The following PLEKHG3 variants were observed in gnomAD, a reference collection of about 807,000 sequenced individuals.
PLEKHG3 encodes the protein pleckstrin homology and RhoGEF domain containing G3, also known as pleckstrin homology domain-containing family G member 3.
Under a neutral mutation model 94.9 loss-of-function variants are expected in PLEKHG3, and 62 were observed. That is an observed-to-expected ratio of 0.65 (90% confidence interval 0.53 to 0.81). The LOEUF (loss-of-function observed/expected upper bound fraction) is 0.81, where lower values mean the gene tolerates loss of function less well. PLEKHG3 is among the 30% of genes least tolerant of loss of function. PLEKHG3 has a pLI of 0.00. For missense variants in PLEKHG3, 1,461 were observed against 1,619.3 expected, an observed-to-expected ratio of 0.90 and a Z score of 1.68; for synonymous variants, 614 against 654.0, an observed-to-expected ratio of 0.94 and a Z score of 0.93.
rs229623 is a variant in PLEKHG3, at chr14:64,732,142, G to C, written c.1173G>C (p.Arg391Ser). ...GGAACTGGACTCACCACATCAAGAGGCTCATCCTAGAGAACCACCATGCCA... is the reference window on the plus strand; with the variant it reads ...GGAACTGGACTCACCACATCAAGAGCCTCATCCTAGAGAACCACCATGCCA... The part of the protein sequence containing the change: ...EKRNWTHHIK[R>S]LILENHHATI... The change falls in exon 10 of 17, where the codon AGG (arginine) becomes AGC (serine). Residue 391 changes from arginine (R) to serine (S), a missense_variant. Around this residue, in one of 3 missense-constraint regions of PLEKHG3, gnomAD observed 1,201 missense variants for 1,295.5 expected, o/e 0.93. Transcript: ENST00000247226. This position sits in a 1 kb window ranked among gnomAD's most constrained non-coding sequence, Gnocchi z 4.9. 13 of 1,613,914 alleles carry C rather than the reference G, an allele frequency of 8.1e-6. No homozygotes were observed. In the African/African-American group the frequency reaches 1.2e-4, roughly 15 times the overall value.
rs1030019624 is a variant in PLEKHG3 at position 64,748,110 on chromosome 14, C to T, written c.*4407C>T. 7 of 152,244 alleles carry T rather than the reference C, an allele frequency of 4.6e-5. No individual in the cohort carries two copies. Among genetic ancestry groups the T allele is most frequent in the Non-Finnish European group, 1.0e-4 (7 of 68,074 alleles). 9.4% of individuals were successfully genotyped at this position (152,244 alleles called of 1,614,324 possible). ...ATCAAGGGGTACCACACCTTCATGGCTCTGGCCCTGACATTTGTCCCAGTT... is the reference window on the plus strand; with the variant it reads ...ATCAAGGGGTACCACACCTTCATGGTTCTGGCCCTGACATTTGTCCCAGTT... On this transcript the variant is annotated 3_prime_UTR_variant, in exon 17 of 17. Coordinates refer to ENST00000247226, the MANE Select transcript of PLEKHG3 (RefSeq NM_001308147.2).
Position 64,717,311 on chromosome 14 carries a change from C to G in PLEKHG3, c.-39-10282C>G, listed in dbSNP as rs2081186065. Among the ~76,000 whole-genome samples the G allele has an allele frequency of 6.6e-6, 1 of 152,128 alleles. No individual in the cohort carries two copies. On this transcript the variant is annotated intron_variant, in intron 1 of 16. Coordinates refer to ENST00000247226, the MANE Select transcript of PLEKHG3 (RefSeq NM_001308147.2). This position sits in a 1 kb window ranked among gnomAD's most constrained non-coding sequence, Gnocchi z 4.7. ...GCGAGGCCTGAGGGAGGGGGAAGGCCAGGGTTGTCTACATAACTTTCTGGG... is the reference window on the plus strand; with the variant it reads ...GCGAGGCCTGAGGGAGGGGGAAGGCGAGGGTTGTCTACATAACTTTCTGGG...
chr14:64,724,525 A>T (rs1045688666), intron 1 of PLEKHG3, among the ~76,000 whole-genome samples: 2 of 151,990 alleles, frequency 1.3e-5, no homozygotes, highest in African/African-American at 4.8e-5. Context: ...CTTACCCATG[A>T]CCTGTGATCC....
In PLEKHG3 at chr14:64,731,714, T is replaced by C; in HGVS notation, c.1033T>C (p.Cys345Arg). ...GACTGTCCTTTCCCTCTGCCCCTAG[T>C]GCTCCTCCCTGATGCTGATCGAAAG... ...DHFVYKGNIP[C>R]SSLMLIESTR... The change falls in exon 9 of 17, where the codon TGC (cysteine) becomes CGC (arginine). Residue 345 changes from cysteine (C) to arginine (R), a missense_variant and splice_region_variant. By Grantham distance (180) the Cys-to-Arg change is radical. Transcript: ENST00000247226. This position sits in a 1 kb window ranked among gnomAD's most constrained non-coding sequence, Gnocchi z 6.1. 1 of 1,611,216 alleles carries C rather than the reference T, an allele frequency of 6.2e-7. No homozygotes were observed. The highest frequency in any genetic ancestry group is 8.5e-7 in the Non-Finnish European group (1 of 1,177,412).
In PLEKHG3 at chr14:64,749,150, G is replaced by A. The variant is rs990018882; in HGVS notation, c.*5447G>A. The A allele has an allele frequency of 1.6e-5, 14 of 851,986 alleles. No homozygotes were observed. The East Asian group carries it at 1.8e-4, about 11-fold the overall frequency. 52.8% of individuals were successfully genotyped at this position (851,986 alleles called of 1,614,324 possible). ...GGGCGTCGGCCCAGGACACGCGGGC[G>A]AAGGCAGCTTTTGCAGTGCAGCGTG... On this transcript the variant is annotated 3_prime_UTR_variant, in exon 17 of 17. Coordinates refer to ENST00000247226, the MANE Select transcript of PLEKHG3 (RefSeq NM_001308147.2). This position sits in a 1 kb window ranked among gnomAD's most constrained non-coding sequence, Gnocchi z 4.7.
In PLEKHG3 at chr14:64,723,446, C is replaced by CT. The variant is rs2139374299; in HGVS notation, c.-39-4144dup. Among the ~76,000 whole-genome samples the CT allele has an allele frequency of 6.6e-6, 1 of 152,224 alleles. No homozygotes were observed. The highest frequency in any genetic ancestry group is 2.1e-4 in the South Asian group (1 of 4,810). Reference sequence around the variant, plus strand: ...CCCTGCCTCAAAAAAAGAGAAAAGTCTTTGGGGACCTGCTCAAAGAAGGTT... The same window carrying CT: ...CCCTGCCTCAAAAAAAGAGAAAAGTCTTTTGGGGACCTGCTCAAAGAAGGTT... On this transcript the variant is annotated intron_variant, in intron 1 of 16. Transcript: ENST00000247226. This position sits in a 1 kb window ranked among gnomAD's most constrained non-coding sequence, Gnocchi z 4.5.
At position 64,732,173 on chromosome 14, in the gene PLEKHG3, C is replaced by T. The variant is rs551215137; in HGVS notation, c.1204C>T (p.Pro402Ser). ...CCTAGAGAACCACCATGCCACCATT[C>T]CCCAGAAGGTGAGTTCCCCCAGCTC... ...LILENHHATI[P>S]QKAKEAILEM... Residue 402 changes from proline (P) to serine (S), a missense_variant, in exon 10 of 17, where the codon CCC becomes TCC. Physicochemically the swap from Pro to Ser is moderately conservative, Grantham distance 74. Transcript: ENST00000247226. The surrounding 1 kb of genome is among the most constrained non-coding windows in gnomAD (Gnocchi z 4.9). 2 of 1,612,472 alleles carry T rather than the reference C, an allele frequency of 1.2e-6. No homozygotes were observed. Among genetic ancestry groups the T allele is most frequent in the Admixed American group, 1.7e-5 (1 of 60,022 alleles).
intron 1 of PLEKHG3, among the ~76,000 whole-genome samples, chr14:64,719,216 A>G (rs2081221736): frequency 6.6e-6 from 1 of 152,182 alleles, no homozygotes; most frequent in Non-Finnish European, 1.5e-5. Context: ...ATGCTGGTTC[A>G]CCAAGTTTAA....
Position 64,749,361 on chromosome 14 carries a change from C to A in PLEKHG3, c.*5658C>A. 1 of 1,610,740 alleles carries A rather than the reference C, an allele frequency of 6.2e-7. No homozygotes were observed. On this transcript the variant is annotated 3_prime_UTR_variant, in exon 17 of 17. Transcript: ENST00000247226. This position sits in a 1 kb window ranked among gnomAD's most constrained non-coding sequence, Gnocchi z 4.7. The stretch of plus-strand genomic sequence containing the variant: ...CTTCTCCTTGTCTTTCTTGCCGAGG[C>A]TGGCGTCGGGGCCGGAGAGGGAAGG...
intron 1 of PLEKHG3, among the ~76,000 whole-genome samples, chr14:64,712,207 C>T (rs1314718396): frequency 6.6e-6 from 1 of 152,138 alleles, no homozygotes; most frequent in African/African-American, 2.4e-5. Context: ...TACACCGGTA[C>T]CATATAGTCT....
rs1479378405 is a variant in PLEKHG3, at chr14:64,741,566, C to T, written c.2049C>T (p.Val683=). 6.2e-7 allele frequency: 1 copy of T among 1,613,004 alleles called. No homozygotes were observed. Reference sequence around the variant, plus strand: ...TGGCCACAGAGGACAGCCCTTCTGTCAATGGGATGGAGCCCCCAAGCCCAG... The same window carrying T: ...TGGCCACAGAGGACAGCCCTTCTGTTAATGGGATGGAGCCCCCAAGCCCAG... The part of the protein sequence containing the change: ...VGVATEDSPS[V]NGMEPPSPGC... Residue 683 remains valine (V), a synonymous_variant, in exon 16 of 17, where the codon GTC becomes GTT. Transcript: ENST00000247226.
In PLEKHG3 at chr14:64,720,290, A is replaced by AAGT. The variant is rs2081240664; in HGVS notation, c.-39-7300_-39-7298dup. Among the ~76,000 whole-genome samples the AAGT allele has an allele frequency of 6.6e-6, 1 of 152,216 alleles. No individual in the cohort carries two copies. Among genetic ancestry groups the AAGT allele is most frequent in the Non-Finnish European group, 1.5e-5 (1 of 68,044 alleles). ...GTGCTCTAGCTCCCTGTCTGGGGCC[A>AAGT]AGTAGGATGGGACTACCGGGGTGAA... On this transcript the variant is annotated intron_variant, in intron 1 of 16. Coordinates refer to ENST00000247226, the MANE Select transcript of PLEKHG3 (RefSeq NM_001308147.2). This position sits in a 1 kb window ranked among gnomAD's most constrained non-coding sequence, Gnocchi z 4.1.
At position 64,730,361 on chromosome 14, in the gene PLEKHG3, G is replaced by A. The variant is rs965707431; in HGVS notation, c.519+49G>A. On this transcript the variant is annotated intron_variant, in intron 4 of 16. Coordinates refer to ENST00000247226, the MANE Select transcript of PLEKHG3 (RefSeq NM_001308147.2). This position sits in a 1 kb window ranked among gnomAD's most constrained non-coding sequence, Gnocchi z 5.4. ...TCTGTCCTACCTTGCTGAGAGCTCA[G>A]AGAGACAAGAACTGCCAGCATAAGA... The A allele has an allele frequency of 1.6e-6, 2 of 1,226,456 alleles. No homozygotes were observed. The highest frequency in any genetic ancestry group is 2.3e-6 in the Non-Finnish European group (2 of 864,108). The allele number at this position is 1,226,456 out of a possible 1,614,324, so 76.0% of individuals were successfully genotyped here. A position where few individuals can be genotyped will look rare whatever the true frequency, so the allele number is the denominator to read the frequency against.
In PLEKHG3 at chr14:64,718,888, C is replaced by G. The variant is rs761655464; in HGVS notation, c.-39-8705C>G. On this transcript the variant is annotated intron_variant, in intron 1 of 16. Transcript: ENST00000247226. The surrounding 1 kb of genome is among the most constrained non-coding windows in gnomAD (Gnocchi z 5.0). Reference sequence around the variant, plus strand: ...TGTTAATCACTTGTGCTTTTGCTCTCTCAAGTTGCCTTAACTTCTGCTCTT... The same window carrying G: ...TGTTAATCACTTGTGCTTTTGCTCTGTCAAGTTGCCTTAACTTCTGCTCTT... Among the ~76,000 whole-genome samples, 10 of 152,274 alleles carry G rather than the reference C, an allele frequency of 6.6e-5. No homozygotes were observed. The highest frequency in any genetic ancestry group is 8.8e-5 in the Non-Finnish European group (6 of 68,022).
rs1566729212 is a variant in PLEKHG3 at position 64,749,262 on chromosome 14, G to T, written c.*5559G>T. ...AGGAGGCCAAGGCCTGGGCTGCCCGGTCTCTGCGCGTCCCGACTCCGCCGC... is the reference window on the plus strand; with the variant it reads ...AGGAGGCCAAGGCCTGGGCTGCCCGTTCTCTGCGCGTCCCGACTCCGCCGC... On this transcript the variant is annotated 3_prime_UTR_variant, in exon 17 of 17. Coordinates refer to ENST00000247226, the MANE Select transcript of PLEKHG3 (RefSeq NM_001308147.2). This position sits in a 1 kb window ranked among gnomAD's most constrained non-coding sequence, Gnocchi z 4.7. 6.5e-7 allele frequency: 1 copy of T among 1,541,118 alleles called. No individual in the cohort carries two copies. The highest frequency in any genetic ancestry group is 8.7e-7 in the Non-Finnish European group (1 of 1,148,452).
At position 64,749,109 on chromosome 14, in the gene PLEKHG3, G is replaced by T; in HGVS notation, c.*5406G>T. 1 of 562,224 alleles carries T rather than the reference G, an allele frequency of 1.8e-6. No homozygotes were observed. The highest frequency in any genetic ancestry group is 3.0e-6 in the Non-Finnish European group (1 of 334,946). The allele number at this position is 562,224 out of a possible 1,614,324, so 34.8% of individuals were successfully genotyped here. ...CTGTCCCTGGAGCGGAGCCAGCGCG[G>T]GCGAGGGCATGGAGGGGGCGTCGGC... On this transcript the variant is annotated 3_prime_UTR_variant, in exon 17 of 17. Coordinates refer to ENST00000247226, the MANE Select transcript of PLEKHG3 (RefSeq NM_001308147.2). The surrounding 1 kb of genome is among the most constrained non-coding windows in gnomAD (Gnocchi z 4.7).
At position 64,750,118 on chromosome 14, in the gene PLEKHG3, A is replaced by G. The variant is rs757853186; in HGVS notation, c.*6415A>G. 34 of 1,614,036 alleles carry G rather than the reference A, an allele frequency of 2.1e-5. No homozygotes were observed. Among genetic ancestry groups the G allele is most frequent in the Admixed American group, 8.3e-5 (5 of 59,998 alleles). Reference sequence around the variant, plus strand: ...TGGCATCCTTGTAGAAGGTTAGCTCACTGTTCCTGAGCACACAGTACAGGT... The same window carrying G: ...TGGCATCCTTGTAGAAGGTTAGCTCGCTGTTCCTGAGCACACAGTACAGGT... On this transcript the variant is annotated 3_prime_UTR_variant, in exon 17 of 17. Coordinates refer to ENST00000247226, the MANE Select transcript of PLEKHG3 (RefSeq NM_001308147.2).
chr14:64,738,778 A>C lies in PLEKHG3; in HGVS notation c.1441A>C (p.Ser481Arg). The C allele has an allele frequency of 6.3e-7, 1 of 1,599,094 alleles. No individual in the cohort carries two copies. Among genetic ancestry groups the C allele is most frequent in the East Asian group, 2.3e-5 (1 of 44,264 alleles). ...CAGGGAGTCTGAAAGCTCCAGGAGC[A>C]GCAGAAGGCCCAGTGGCCGGTCTCC... ...GRRESESSRS[S>R]RRPSGRSPTS... The change falls in exon 15 of 17, where the codon AGC becomes CGC. Residue 481 changes from serine (S) to arginine (R), a missense_variant. Coordinates refer to ENST00000247226, the MANE Select transcript of PLEKHG3 (RefSeq NM_001308147.2). This position sits in a 1 kb window ranked among gnomAD's most constrained non-coding sequence, Gnocchi z 4.8.
At position 64,749,442 on chromosome 14, in the gene PLEKHG3, C is replaced by T; in HGVS notation, c.*5739C>T. 6.2e-7 allele frequency: 1 copy of T among 1,603,000 alleles called. No individual in the cohort carries two copies. The highest frequency in any genetic ancestry group is 1.7e-5 in the Admixed American group (1 of 59,962). Reference sequence around the variant, plus strand: ...GCTCTGGGACTCGTTGATGGCGGTGCTCACGCCCTGCAGCCAGGACAGCAT... The same window carrying T: ...GCTCTGGGACTCGTTGATGGCGGTGTTCACGCCCTGCAGCCAGGACAGCAT... On this transcript the variant is annotated 3_prime_UTR_variant, in exon 17 of 17. Coordinates refer to ENST00000247226, the MANE Select transcript of PLEKHG3 (RefSeq NM_001308147.2). This position sits in a 1 kb window ranked among gnomAD's most constrained non-coding sequence, Gnocchi z 4.7.
Sources: allele counts gnomAD v4.1 joint callset (sites outside exome capture counted in the v4.1 genomes callset), GRCh38; gene constraint gnomAD v4.1.1; regional missense constraint gnomAD v4.1.1; non-coding constraint Gnocchi (gnomAD v3.1); transcripts MANE v1.5; gene names NCBI Gene and HGNC (gene_info 2026-07-23, HGNC 2026-07-21).